SAMD12: variants seen among roughly 807,000 people sequenced by gnomAD.
The protein encoded by SAMD12 is sterile alpha motif domain-containing protein 12.
In SAMD12, 9 loss-of-function variants were observed where a neutral mutation model predicts 15.0. The ratio of observed to expected loss-of-function variants is 0.60; its 90% CI spans 0.36 to 1.05. SAMD12 has a LOEUF of 1.05. SAMD12 is among the 50% of genes least tolerant of loss of function. The pLI, the probability that SAMD12 is intolerant of heterozygous loss-of-function variation, is 0.01. For missense variants in SAMD12, 230 were observed against 234.2 expected (o/e 0.98, Z 0.12); for synonymous variants, 86 against 90.1 (o/e 0.96, Z 0.25).
chr8:118,364,670 G>C (rs1818677269), intron 4 of SAMD12, among the ~76,000 whole-genome samples: 1 of 152,106 alleles, frequency 6.6e-6, no homozygotes, highest in Admixed American at 6.5e-5. Context: ...TAATTTGTCA[G>C]GTTCAAGATA....
At chr8:118,566,137 G>C in intron 2 of SAMD12, among the ~76,000 whole-genome samples, 1 of 152,104 alleles carries the variant, frequency 6.6e-6, no homozygotes, top group South Asian at 2.1e-4. Context: ...GAAACCACAT[G>C]ATCTCCCCAA....
At chr8:118,599,598 G>T (rs187121359) in intron 1 of SAMD12, among the ~76,000 whole-genome samples, 2 of 152,080 alleles carry the variant, frequency 1.3e-5, no homozygotes, top group South Asian at 2.1e-4. Flanking sequence ...CTTTCACAAC[G>T]ATTCAATGTT....
chr8:118,530,649 T>C (rs568672638), intron 2 of SAMD12, among the ~76,000 whole-genome samples: 1 of 152,332 alleles, frequency 6.6e-6, no homozygotes, highest in South Asian at 2.1e-4. Context: ...ATTCTGTAGG[T>C]TGTCTCTTCA....
intron 3 of SAMD12, among the ~76,000 whole-genome samples, chr8:118,397,888 G>A (rs530730039): frequency 2.6e-5 from 4 of 152,222 alleles, no homozygotes; most frequent in African/African-American, 7.2e-5. Flanking sequence ...GACTTCCTGG[G>A]CTCAAGCGAT....
chr8:118,384,140 A>G (rs1225432874), intron 3 of SAMD12, among the ~76,000 whole-genome samples: 1 of 152,120 alleles, frequency 6.6e-6, no homozygotes, highest in Non-Finnish European at 1.5e-5. Context: ...GTGTCAACGC[A>G]ATTAGAGGAA....
chr8:118,165,957 T>G, the SAMD12 span, among the ~76,000 whole-genome samples: 8 of 152,140 alleles, frequency 5.3e-5, no homozygotes, highest in African/African-American at 1.9e-4. Flanking sequence ...TCTAGGTTGG[T>G]ACACTGGGTT....
At chr8:118,374,054 T>G (rs1229627761), downstream of SAMD12, among the ~76,000 whole-genome samples, 1 of 152,050 alleles carries the variant, frequency 6.6e-6, no homozygotes, top group Non-Finnish European at 1.5e-5. Context: ...AAGCGCACAG[T>G]TCAGTCATAT....
In SAMD12 at chr8:118,379,244, C is replaced by G. The variant is rs183717283; in HGVS notation, c.*173G>C. 1.1e-5 allele frequency: 16 copies of G among 1,428,548 alleles called. No homozygotes were observed. The highest frequency in any genetic ancestry group is 1.4e-5 in the Non-Finnish European group (15 of 1,094,580). 88.5% of individuals were successfully genotyped at this position (1,428,548 alleles called of 1,614,324 possible). ...ATTATACAACTCTAGTGAGTGCAATCGTACCCTGATTGATGTGACTGGTAT... is the reference window on the plus strand; with the variant it reads ...ATTATACAACTCTAGTGAGTGCAATGGTACCCTGATTGATGTGACTGGTAT... On this transcript the variant is annotated 3_prime_UTR_variant, in exon 4 of 4. Coordinates refer to ENST00000314727, the MANE Select transcript of SAMD12 (RefSeq NM_207506.3).
intron 4 of SAMD12, among the ~76,000 whole-genome samples, chr8:118,305,021 C>T (rs1035946434): frequency 7.8e-4 from 116 of 149,474 alleles, no homozygotes; most frequent in African/African-American, 2.6e-3. Context: ...TGGTGGTGGG[C>T]GCCCATAATC....
Position 118,311,463 on chromosome 8 carries a change from C to T in SAMD12, c.433+68097G>A, listed in dbSNP as rs114160315. 5.8e-3 allele frequency among the ~76,000 whole-genome samples: 877 copies of T among 152,306 alleles called. 6 individuals are homozygous for T. Among genetic ancestry groups the T allele is most frequent in the African/African-American group, 0.02 (835 of 41,564 alleles). On this transcript the variant is annotated intron_variant, in intron 4 of 4. Transcript: ENST00000409003. ...CAGAAACTCTCTGGCCTACAAAGCACGAAACACTTACTATCTAGCCCTTTA... is the reference window on the plus strand; with the variant it reads ...CAGAAACTCTCTGGCCTACAAAGCATGAAACACTTACTATCTAGCCCTTTA...
At chr8:118,552,637 C>A (rs1299253395) in intron 2 of SAMD12, among the ~76,000 whole-genome samples, 1 of 152,162 alleles carries the variant, frequency 6.6e-6, no homozygotes, top group African/African-American at 2.4e-5. Flanking sequence ...GGGATGCCCT[C>A]TCTCACCACT....
rs563304302 is a variant in SAMD12, at chr8:118,429,636, G to A, written c.322+10196C>T. 5.9e-5 allele frequency among the ~76,000 whole-genome samples: 9 copies of A among 152,286 alleles called. No homozygotes were observed. The East Asian group carries it at 1.7e-3, about 29-fold the overall frequency. On this transcript the variant is annotated intron_variant, in intron 3 of 3. Transcript: ENST00000314727. Reference sequence around the variant, plus strand: ...TAGCCGGGTGTGGTGGCTCATGCCTGTAATCCCAGCACTTTGGGAAGCTGA... The same window carrying A: ...TAGCCGGGTGTGGTGGCTCATGCCTATAATCCCAGCACTTTGGGAAGCTGA...
chr8:118,617,419 A>G (rs1179634302), intron 1 of SAMD12, among the ~76,000 whole-genome samples: 1 of 152,228 alleles, frequency 6.6e-6, no homozygotes, highest in East Asian at 1.9e-4. Flanking sequence ...CTGAGCACTG[A>G]ATGACTTATC....
At position 118,548,882 on chromosome 8, in the gene SAMD12, A is replaced by G. The variant is rs188385815; in HGVS notation, c.192+31833T>C. On this transcript the variant is annotated intron_variant, in intron 2 of 3. Transcript: ENST00000314727. Reference sequence around the variant, plus strand: ...GGTGCACCACGAGATTATATCCCGCACCTGGCTTGGAGGGTCCTACGCCCA... The same window carrying G: ...GGTGCACCACGAGATTATATCCCGCGCCTGGCTTGGAGGGTCCTACGCCCA... Among the ~76,000 whole-genome samples the G allele has an allele frequency of 9.1e-3, 1,392 of 152,336 alleles. 29 individuals carry two copies. The highest frequency in any genetic ancestry group is 0.03 in the African/African-American group (1,251 of 41,576).
At chr8:118,507,201 T>C (rs772044313) in intron 2 of SAMD12, among the ~76,000 whole-genome samples, 7 of 152,004 alleles carry the variant, frequency 4.6e-5, no homozygotes, top group Non-Finnish European at 8.8e-5. Context: ...TTGTACAATT[T>C]CCTCCACCTA....
chr8:118,188,041 GAGAGAGAGAGAGAGAGAGGA>G (rs1395215573), downstream of SAMD12, among the ~76,000 whole-genome samples: 1 of 151,394 alleles, frequency 6.6e-6, no homozygotes, highest in Admixed American at 6.6e-5. Flanking sequence ...GGTTGGAAGA[GAGAGAGAGAGAGAGAGAGGA>G]AGAGAGAGAA....
At chr8:118,429,145 A>G (rs1435104233) in intron 3 of SAMD12, among the ~76,000 whole-genome samples, 2 of 152,070 alleles carry the variant, frequency 1.3e-5, no homozygotes, top group African/African-American at 4.8e-5. Flanking sequence ...GTAGTCTTAG[A>G]TATATTTTGT....
chr8:118,191,293 G>A (rs1819364711), exon 5 of SAMD12: 1 of 152,030 alleles, frequency 6.6e-6, no homozygotes, highest in Non-Finnish European at 1.5e-5. Flanking sequence ...CTTTCTATTG[G>A]TGGAAGAAAG....
intron 4 of SAMD12, among the ~76,000 whole-genome samples, chr8:118,245,068 T>C (rs1012223495): frequency 9.2e-5 from 14 of 152,250 alleles, no homozygotes; most frequent in African/African-American, 2.9e-4. Flanking sequence ...AAGGCTTCTT[T>C]GAATCCACAG....
Sources: gnomAD v4.1 joint callset for allele counts (sites outside exome capture counted in the v4.1 genomes callset) on GRCh38, gnomAD v4.1.1 for gene constraint, MANE v1.5 for transcripts, NCBI Gene and HGNC (gene_info 2026-07-23, HGNC 2026-07-21) for gene names.